The following MDGA2 variants were observed in gnomAD, a reference collection of about 807,000 sequenced individuals.
The protein encoded by MDGA2 is MAM domain containing glycosylphosphatidylinositol anchor 2, also known as MAM domain-containing glycosylphosphatidylinositol anchor protein 2.
In MDGA2, 40 loss-of-function variants were observed where a neutral mutation model predicts 117.8. That is an observed-to-expected ratio of 0.34 (90% confidence interval 0.26 to 0.44). The LOEUF (loss-of-function observed/expected upper bound fraction) is 0.44, where lower values mean the gene tolerates loss of function less well. Among genes scored for constraint, MDGA2 ranks in the 20% least tolerant of loss-of-function variants. The pLI is 1.00. For synonymous variants in MDGA2, 452 were observed against 439.0 expected (o/e 1.03, Z -0.37); for missense variants, 1,123 against 1,250.6 (o/e 0.90, Z 1.54).
intron 9 of MDGA2, among the ~76,000 whole-genome samples, chr14:46,924,948 C>A (rs1166873141): frequency 6.6e-6 from 1 of 151,990 alleles, no homozygotes; most frequent in African/African-American, 2.4e-5. Context: ...TTTTCAGGCC[C>A]ATGGGAGATA....
intron 1 of MDGA2, among the ~76,000 whole-genome samples, chr14:47,500,659 A>C (rs1408563611): frequency 1.3e-5 from 2 of 152,038 alleles, no homozygotes; most frequent in African/African-American, 4.8e-5. Context: ...GAATGCAACA[A>C]TTTTAGCATT....
At chr14:47,462,269 G>A (rs551376391) in intron 1 of MDGA2, among the ~76,000 whole-genome samples, 24 of 134,942 alleles carry the variant, frequency 1.8e-4, no homozygotes, top group Non-Finnish European at 3.5e-4. Flanking sequence ...CCAGGGACTC[G>A]GGAGGCTGAG....
At chr14:47,489,431 C>T (rs1594883433) in intron 1 of MDGA2, among the ~76,000 whole-genome samples, 1 of 152,116 alleles carries the variant, frequency 6.6e-6, no homozygotes, top group East Asian at 1.9e-4. Context: ...AACTAACTGA[C>T]AGGAATAAAC....
chr14:47,109,217 A>G (rs1338783311), intron 5 of MDGA2, among the ~76,000 whole-genome samples: 1 of 152,228 alleles, frequency 6.6e-6, no homozygotes, highest in Non-Finnish European at 1.5e-5. Context: ...TAGACTGTAA[A>G]GACACTTTCA....
At chr14:46,910,208 T>C (rs1168416415) in intron 10 of MDGA2, among the ~76,000 whole-genome samples, 1 of 141,702 alleles carries the variant, frequency 7.1e-6, no homozygotes, top group African/African-American at 3.2e-5. Context: ...CATCCCTGCC[T>C]TTTTGCTCTC....
chr14:46,871,492 T>C lies in MDGA2; in HGVS notation c.2752+1941A>G, dbSNP rs566957277. ...TATCTATGAAACAGGATAATGATTT[T>C]AATAAGCACAAATGTTGATCGTGAA... On this transcript the variant is annotated intron_variant, in intron 14 of 16. Coordinates refer to ENST00000399232, the MANE Select transcript of MDGA2 (RefSeq NM_001113498.3). 8 of 152,138 alleles carry C rather than the reference T, an allele frequency of 5.3e-5. No homozygotes were observed. The East Asian group carries it at 1.5e-3, about 29-fold the overall frequency. 9.4% of individuals were successfully genotyped at this position (152,138 alleles called of 1,614,324 possible).
At chr14:47,254,492 T>A (rs1196442741) in intron 2 of MDGA2, among the ~76,000 whole-genome samples, 1 of 152,176 alleles carries the variant, frequency 6.6e-6, no homozygotes, top group Non-Finnish European at 1.5e-5. Flanking sequence ...AAGTTCCTCA[T>A]CTTCATCTGA....
chr14:47,005,006 A>T (rs1887661350), intron 8 of MDGA2, among the ~76,000 whole-genome samples: 1 of 151,618 alleles, frequency 6.6e-6, no homozygotes. Flanking sequence ...TATCTTTTGT[A>T]GATTCCATTG....
At chr14:46,993,402 T>C (rs1462881731) in intron 8 of MDGA2, among the ~76,000 whole-genome samples, 1 of 152,134 alleles carries the variant, frequency 6.6e-6, no homozygotes, top group African/African-American at 2.4e-5. Flanking sequence ...ACACCACTGA[T>C]GATAAATAAT....
chr14:46,903,971 A>T (rs985975082), intron 10 of MDGA2, among the ~76,000 whole-genome samples: 1 of 152,202 alleles, frequency 6.6e-6, no homozygotes, highest in African/African-American at 2.4e-5. Flanking sequence ...ATAAAGGAAG[A>T]TGATTTTTAA....
At chr14:47,184,573 G>C (rs1253450652) in intron 3 of MDGA2, among the ~76,000 whole-genome samples, 2 of 151,796 alleles carry the variant, frequency 1.3e-5, no homozygotes, top group Non-Finnish European at 1.5e-5. Context: ...GCATTTTTCA[G>C]AGGAAGTTTT....
chr14:47,199,098 A>G (rs1421124049), intron 3 of MDGA2, among the ~76,000 whole-genome samples: 3 of 151,944 alleles, frequency 2.0e-5, no homozygotes, highest in Non-Finnish European at 4.4e-5. Context: ...CTAAATTTCC[A>G]TCCTACTGAC....
At chr14:47,180,237 A>G (rs183230471) in intron 3 of MDGA2, among the ~76,000 whole-genome samples, 1 of 152,218 alleles carries the variant, frequency 6.6e-6, no homozygotes, top group East Asian at 1.9e-4. Context: ...CTAAGCATCC[A>G]TGTGTTCTCA....
intron 3 of MDGA2, among the ~76,000 whole-genome samples, chr14:47,145,332 A>G (rs1441719085): frequency 1.3e-5 from 2 of 152,184 alleles, no homozygotes; most frequent in Non-Finnish European, 2.9e-5. Flanking sequence ...GCAAAACACA[A>G]TAGGTAAATT....
At chr14:47,132,209 T>G (rs1299204206) in intron 4 of MDGA2, among the ~76,000 whole-genome samples, 1 of 151,744 alleles carries the variant, frequency 6.6e-6, no homozygotes, top group Non-Finnish European at 1.5e-5. Flanking sequence ...AATAATGGAG[T>G]GCATTCAACA....
chr14:47,178,068 C>T (rs1884548335), intron 3 of MDGA2, among the ~76,000 whole-genome samples: 2 of 151,846 alleles, frequency 1.3e-5, no homozygotes, highest in African/African-American at 2.4e-5. Context: ...ACTTAATATA[C>T]ACATTGAGGG....
In MDGA2 at chr14:47,625,817, A is replaced by C. The variant is rs1897129559; in HGVS notation, c.280+48700T>G. ...GTCATTTTTCTGCTTTAAAGCCTTC[A>C]TTAGTGCTTTAGTTTTCAGAAAAAA... On this transcript the variant is annotated intron_variant, in intron 1 of 16. Transcript: ENST00000399232. 2.6e-5 allele frequency among the ~76,000 whole-genome samples: 4 copies of C among 152,152 alleles called. No individual in the cohort carries two copies. The South Asian group carries it at 8.3e-4, about 31-fold the overall frequency.
chr14:47,073,053 C>T (rs17564272), intron 6 of MDGA2, among the ~76,000 whole-genome samples: 29,630 of 152,022 alleles, frequency 0.19, 2,955 homozygotes, highest in Admixed American at 0.29. Flanking sequence ...CACAAAAACA[C>T]TTATTATTTC....
chr14:47,184,648 T>G (rs963006877), intron 3 of MDGA2, among the ~76,000 whole-genome samples: 5 of 151,856 alleles, frequency 3.3e-5, no homozygotes, highest in Non-Finnish European at 5.9e-5. Context: ...AAAATACCAC[T>G]AATTAGATGA....
Sources: gnomAD v4.1 joint callset for allele counts (sites outside exome capture counted in the v4.1 genomes callset) on GRCh38, gnomAD v4.1.1 for gene constraint, MANE v1.5 for transcripts, NCBI Gene and HGNC (gene_info 2026-07-23, HGNC 2026-07-21) for gene names.